Variants in RAD54B observed in about 807,000 individuals in gnomAD.
RAD54B encodes RAD54 homolog B, also known as DNA repair and recombination protein RAD54B.
In RAD54B, 78 loss-of-function variants were observed where a neutral mutation model predicts 95.8. The ratio of observed to expected loss-of-function variants is 0.81; its 90% CI spans 0.68 to 0.98. RAD54B has a LOEUF of 0.98. RAD54B is among the 50% of genes least tolerant of loss of function. The probability of loss-of-function intolerance (pLI) is 0.00; values close to 1 mark genes in which losing one functional copy is unlikely to be tolerated. For synonymous variants in RAD54B, 328 were observed against 354.9 expected, an observed-to-expected ratio of 0.92 and a Z score of 0.85; for missense variants, 957 against 1,056.6, an observed-to-expected ratio of 0.91 and a Z score of 1.31.
At chr8:94,453,059 T>C (rs2919666) in intron 3 of RAD54B, among the ~76,000 whole-genome samples, 81,489 of 151,968 alleles carry the variant, frequency 0.54, 23,230 homozygotes, top group East Asian at 0.79. Context: ...TACCTTGTGA[T>C]GAGTATCCTA....
At chr8:94,428,437 T>C (rs1811999277) in intron 3 of RAD54B, 3 of 496,996 alleles carry the variant, frequency 6.0e-6, no homozygotes, top group African/African-American at 2.1e-5. Context: ...AAGTCCCTTA[T>C]ATAAAATGTT....
intron 14 of RAD54B, among the ~76,000 whole-genome samples, chr8:94,373,996 A>C (rs915908326): frequency 3.3e-5 from 5 of 152,162 alleles, no homozygotes; most frequent in African/African-American, 1.2e-4. Context: ...AAGAGATGAC[A>C]AGGCCGGGCG....
chr8:94,381,340 G>A (rs866149747), intron 11 of RAD54B, among the ~76,000 whole-genome samples: 1 of 152,168 alleles, frequency 6.6e-6, no homozygotes, highest in Non-Finnish European at 1.5e-5. Flanking sequence ...CTTGCTGCCT[G>A]ATTACCCAAT....
intron 14 of RAD54B, among the ~76,000 whole-genome samples, chr8:94,374,152 GCCTGTAGTC>G (rs1413840099): frequency 1.3e-5 from 2 of 152,048 alleles, no homozygotes; most frequent in Non-Finnish European, 2.9e-5. Flanking sequence ...GGTGGCAGGC[GCCTGTAGTC>G]CCAGCTACTC....
chr8:94,450,583 C>G (rs1350384385), intron 3 of RAD54B, among the ~76,000 whole-genome samples: 1 of 152,178 alleles, frequency 6.6e-6, no homozygotes, highest in Non-Finnish European at 1.5e-5. Context: ...CAAATAAGCA[C>G]TTTTAATAAG....
intron 10 of RAD54B, among the ~76,000 whole-genome samples, chr8:94,389,675 A>C (rs1271455914): frequency 6.6e-6 from 1 of 152,252 alleles, no homozygotes; most frequent in East Asian, 1.9e-4. Context: ...ATTTAGTTTC[A>C]ATAGAAACAT....
chr8:94,455,058 G>A (rs1441045827), intron 3 of RAD54B, among the ~76,000 whole-genome samples: 5 of 152,008 alleles, frequency 3.3e-5, no homozygotes, highest in Admixed American at 6.6e-5. Context: ...ACCATTCCTC[G>A]AGATACTACT....
chr8:94,450,384 G>T (rs909487419), intron 3 of RAD54B, among the ~76,000 whole-genome samples: 1 of 152,150 alleles, frequency 6.6e-6, no homozygotes, highest in African/African-American at 2.4e-5. Context: ...GCAAAAGGTT[G>T]ACATGATAGG....
chr8:94,450,449 T>C (rs1010052138), intron 3 of RAD54B, among the ~76,000 whole-genome samples: 1 of 152,166 alleles, frequency 6.6e-6, no homozygotes, highest in Non-Finnish European at 1.5e-5. Flanking sequence ...CTAGGAAAAG[T>C]TAAGCAATCC....
Position 94,386,979 on chromosome 8 carries a change from C to T in RAD54B, c.1985+5G>A. 1 of 1,586,858 alleles carries T rather than the reference C, an allele frequency of 6.3e-7. No individual in the cohort carries two copies. Among genetic ancestry groups the T allele is most frequent in the Non-Finnish European group, 8.5e-7 (1 of 1,170,364 alleles). On this transcript the variant is annotated splice_donor_5th_base_variant and intron_variant, in intron 11 of 14. Coordinates refer to ENST00000336148, the MANE Select transcript of RAD54B (RefSeq NM_012415.3). ...GCACTTATAAGTTTGTTAAATCGAT[C>T]TTACTTTTCAGTAGGTCGAAGTTCG...
chr8:94,410,984 TAC>T (rs1811513686), intron 4 of RAD54B, 135 bp downstream of exon 4: 2 of 636,566 alleles, frequency 3.1e-6, no homozygotes, highest in African/African-American at 3.8e-5. Context: ...TTATGTATTA[TAC>T]ACAGTTGAGG....
chr8:94,378,565 T>A lies in RAD54B; in HGVS notation c.2314+3A>T. On this transcript the variant is annotated splice_donor_region_variant and intron_variant, in intron 13 of 14. Coordinates refer to ENST00000336148, the MANE Select transcript of RAD54B (RefSeq NM_012415.3). ...CATTTTTGTCACACTGAAGGGTTGT[T>A]ACCTGTAGTTAGGAGTCTGTAAATA... 1 of 1,600,230 alleles carries A rather than the reference T, an allele frequency of 6.2e-7. No individual in the cohort carries two copies. The highest frequency in any genetic ancestry group is 8.5e-7 in the Non-Finnish European group (1 of 1,172,358).
rs536620909 is a variant in RAD54B at position 94,410,307 on chromosome 8, A to G, written c.499+814T>C. Among the ~76,000 whole-genome samples, 54 of 152,294 alleles carry G rather than the reference A, an allele frequency of 3.5e-4. No individual in the cohort carries two copies. In the South Asian group the frequency reaches 0.011, roughly 32 times the overall value. Reference sequence around the variant, plus strand: ...CCTGGGCAGATTAAATGGTTCTTTTATGCTCCAACTGCATTTAGTAAAACT... The same window carrying G: ...CCTGGGCAGATTAAATGGTTCTTTTGTGCTCCAACTGCATTTAGTAAAACT... On this transcript the variant is annotated intron_variant, in intron 4 of 14. Transcript: ENST00000336148.
At chr8:94,381,906 G>T (rs1231688696) in intron 11 of RAD54B, among the ~76,000 whole-genome samples, 1 of 152,114 alleles carries the variant, frequency 6.6e-6, no homozygotes, top group Non-Finnish European at 1.5e-5. Context: ...AAGGTCAGAA[G>T]ATAGAGACCA....
rs780150001 is a variant in RAD54B at position 94,378,218 on chromosome 8, AG to A, written c.2476del (p.Leu826CysfsTer38). The A allele has an allele frequency of 1.1e-5, 17 of 1,612,724 alleles. No individual in the cohort carries two copies. The South Asian group carries it at 1.9e-4, about 18-fold the overall frequency. The stretch of plus-strand genomic sequence containing the variant: ...TTCTCCTGTACACTCACAGTCAAGC[AG>A]ATCATGAGTAACACAATCTGAACTT... ...HESSDCVTHD[L>X]LDCECTGEEV... On this transcript the variant is annotated frameshift_variant, in exon 14 of 15. Coordinates refer to ENST00000336148, the MANE Select transcript of RAD54B (RefSeq NM_012415.3). LOFTEE classifies it high-confidence loss of function.
At chr8:94,403,008 C>T (rs1445261933) in intron 6 of RAD54B, among the ~76,000 whole-genome samples, 1 of 152,072 alleles carries the variant, frequency 6.6e-6, no homozygotes, top group African/African-American at 2.4e-5. Flanking sequence ...TGAGATAAGA[C>T]CTTCGAAAGA....
chr8:94,380,485 A>G (rs973061594), intron 11 of RAD54B, 79 bp from the exon 12 acceptor site: 12 of 1,350,870 alleles, frequency 8.9e-6, no homozygotes, highest in East Asian at 2.4e-5. Context: ...AAATACCACA[A>G]TAATATTATC....
intron 8 of RAD54B, among the ~76,000 whole-genome samples, chr8:94,396,380 AT>A (rs1220209521): frequency 2.1e-5 from 3 of 145,638 alleles, no homozygotes; most frequent in African/African-American, 8.0e-5. Flanking sequence ...CCTCCACCCT[AT>A]CCCTACAAAA....
intron 10 of RAD54B, among the ~76,000 whole-genome samples, chr8:94,390,304 A>G (rs1387531604): frequency 6.9e-6 from 1 of 145,438 alleles, no homozygotes; most frequent in African/African-American, 2.5e-5. Flanking sequence ...GTTCGAGACC[A>G]GCCTGGCCAA....
Sources: allele counts gnomAD v4.1 joint callset (sites outside exome capture counted in the v4.1 genomes callset), GRCh38; gene constraint gnomAD v4.1.1; transcripts MANE v1.5; gene names NCBI Gene and HGNC (gene_info 2026-07-23, HGNC 2026-07-21).